PRUNE2: variants seen among roughly 807,000 people sequenced by gnomAD.
PRUNE2 encodes prune homolog 2 with BCH domain, also known as protein prune homolog 2.
PRUNE2 carries 164 observed loss-of-function variants against 252.0 expected under a neutral mutation model. The ratio of observed to expected loss-of-function variants is 0.65; its 90% CI spans 0.57 to 0.74. The LOEUF (loss-of-function observed/expected upper bound fraction) is 0.74. Ranked by LOEUF, PRUNE2 falls within the 30% of genes least tolerant of loss-of-function variation. PRUNE2 has a pLI of 0.00. For synonymous variants in PRUNE2, 1,292 were observed against 1,350.2 expected (o/e 0.96, Z 0.94); for missense variants, 3,495 against 3,711.0 (o/e 0.94, Z 1.51).
rs1428731854 is a variant in PRUNE2 at position 76,729,865 on chromosome 9, T to C, written c.757-16144A>G. Among the ~76,000 whole-genome samples, 3 of 152,310 alleles carry C rather than the reference T, an allele frequency of 2.0e-5. No individual in the cohort carries two copies. In the South Asian group the frequency reaches 6.2e-4, roughly 32 times the overall value. On this transcript the variant is annotated intron_variant, in intron 6 of 18. Transcript: ENST00000376718. ...TTTTCCATTTCTAATTTCAATTTCC[T>C]TAATGTGGAATAAAAACTTAGACAT... is the stretch of plus-strand genomic sequence containing the variant.
chr9:76,708,277 C>T lies in PRUNE2; in HGVS notation c.3997G>A (p.Ala1333Thr), dbSNP rs2046452445. The change falls in exon 8 of 19, where the codon GCC becomes ACC. Residue 1333 changes from alanine to threonine, a missense_variant. Physicochemically the swap from Ala to Thr is moderately conservative, Grantham distance 58. Transcript: ENST00000376718. ...TCATCAAGGTGCCCCCTGTCAGTGG[C>T]TCCCTGGGCTTCCTTCTCACTTTCA... ...QSESEKEAQG[A>T]TDRGHLDEEE... The T allele has an allele frequency of 1.9e-6, 3 of 1,613,814 alleles. No homozygotes were observed. Among genetic ancestry groups the T allele is most frequent in the African/African-American group, 2.7e-5 (2 of 75,032 alleles).
At chr9:76,647,077 T>C (rs1340381499) in intron 11 of PRUNE2, among the ~76,000 whole-genome samples, 1 of 152,152 alleles carries the variant, frequency 6.6e-6, no homozygotes, top group African/African-American at 2.4e-5. Context: ...TAGTCCCAGC[T>C]ACTTGGGAAG....
chr9:76,865,756 CAACCTT>C (rs2132921405), intron 1 of PRUNE2, among the ~76,000 whole-genome samples: 1 of 151,744 alleles, frequency 6.6e-6, no homozygotes, highest in South Asian at 2.1e-4. Context: ...ATTCCTGTCT[CAACCTT>C]AACAGGCTCT....
At chr9:76,623,190 CTT>C (rs777303735) in intron 17 of PRUNE2, among the ~76,000 whole-genome samples, 1 of 152,110 alleles carries the variant, frequency 6.6e-6, no homozygotes, top group Non-Finnish European at 1.5e-5. Context: ...AGGGAAGAAA[CTT>C]AATGTGCTTA....
At chr9:76,766,381 T>C (rs191667248) in intron 6 of PRUNE2, among the ~76,000 whole-genome samples, 15 of 152,140 alleles carry the variant, frequency 9.9e-5, no homozygotes, top group Non-Finnish European at 1.6e-4. Context: ...AATACGTTAC[T>C]AATGGTCACT....
intron 6 of PRUNE2, among the ~76,000 whole-genome samples, chr9:76,725,150 G>A (rs1054699652): frequency 6.6e-6 from 1 of 152,126 alleles, no homozygotes; most frequent in Admixed American, 6.5e-5. Flanking sequence ...AAGAAAGCAG[G>A]AAAACCTTTT....
chr9:76,858,778 A>AAAG (rs2060398395), intron 1 of PRUNE2, among the ~76,000 whole-genome samples: 1 of 148,238 alleles, frequency 6.7e-6, no homozygotes, highest in African/African-American at 2.6e-5. Context: ...AAAAAGAAAG[A>AAAG]AAAAAAAAGA....
chr9:76,771,111 G>T (rs1052497708), intron 6 of PRUNE2, among the ~76,000 whole-genome samples: 2 of 152,016 alleles, frequency 1.3e-5, no homozygotes, highest in Non-Finnish European at 2.9e-5. Context: ...CCACAGAAAT[G>T]ATTCTAAAGA....
chr9:76,858,825 G>A (rs915543746), intron 1 of PRUNE2, among the ~76,000 whole-genome samples: 1 of 151,918 alleles, frequency 6.6e-6, no homozygotes, highest in South Asian at 2.1e-4. Context: ...GGTTAGGTAA[G>A]TGGGACTAAA....
At chr9:76,795,240 GAGC>G (rs1292243698) in intron 6 of PRUNE2, among the ~76,000 whole-genome samples, 1 of 146,224 alleles carries the variant, frequency 6.8e-6, no homozygotes. Flanking sequence ...TGTGTCCAAA[GAGC>G]AGATCTGCCT....
chr9:76,848,293 T>C (rs1440083994), intron 3 of PRUNE2, among the ~76,000 whole-genome samples: 3 of 152,160 alleles, frequency 2.0e-5, no homozygotes, highest in Admixed American at 2.0e-4. Flanking sequence ...AGTTAACATG[T>C]AAATTTAGTC....
At chr9:76,829,016 C>CAAAAA (rs1185924670) in intron 4 of PRUNE2, among the ~76,000 whole-genome samples, 66 of 95,368 alleles carry the variant, frequency 6.9e-4, no homozygotes, top group Admixed American at 8.6e-4. Flanking sequence ...CACTCTGTCT[C>CAAAAA]AAAAAAAAAA....
intron 1 of PRUNE2, among the ~76,000 whole-genome samples, chr9:76,894,463 C>T (rs1268973695): frequency 6.6e-6 from 1 of 152,158 alleles, no homozygotes; most frequent in Non-Finnish European, 1.5e-5. Flanking sequence ...AGGCACGTGT[C>T]CTGTCCTCTC....
In PRUNE2 at chr9:76,879,305, C is replaced by G. The variant is rs1589734303; in HGVS notation, c.37-25097G>C. ...TTTCCATTGCATATCTTATGTAATA[C>G]ATGTTGGGGCCATCTGCACACCCCG... On this transcript the variant is annotated intron_variant, in intron 1 of 18. Transcript: ENST00000376718. Among the ~76,000 whole-genome samples the G allele has an allele frequency of 2.0e-5, 3 of 152,154 alleles. No homozygotes were observed. The East Asian group carries it at 5.8e-4, about 29-fold the overall frequency.
chr9:76,694,180 G>T (rs907082119), intron 9 of PRUNE2, among the ~76,000 whole-genome samples: 1 of 148,244 alleles, frequency 6.7e-6, no homozygotes, highest in Non-Finnish European at 1.5e-5. Flanking sequence ...GTTTTGTTTC[G>T]TTTTTTTTTT....
At chr9:76,787,816 G>A (rs917905385) in intron 6 of PRUNE2, among the ~76,000 whole-genome samples, 5 of 152,074 alleles carry the variant, frequency 3.3e-5, no homozygotes, top group African/African-American at 1.2e-4. Context: ...CTGCCCACAG[G>A]AGAAAGCCCC....
At chr9:76,751,646 G>T (rs776369057) in intron 6 of PRUNE2, among the ~76,000 whole-genome samples, 4 of 152,068 alleles carry the variant, frequency 2.6e-5, no homozygotes, top group Admixed American at 1.3e-4. Flanking sequence ...GCTCTGTTTG[G>T]TTTGTTTAAA....
At chr9:76,740,957 C>G (rs1422944145) in intron 6 of PRUNE2, among the ~76,000 whole-genome samples, 1 of 152,082 alleles carries the variant, frequency 6.6e-6, no homozygotes, top group Non-Finnish European at 1.5e-5. Context: ...TGCTTGAACC[C>G]CACATCAAAT....
chr9:76,725,229 G>T (rs979764174), intron 6 of PRUNE2, among the ~76,000 whole-genome samples: 2 of 152,160 alleles, frequency 1.3e-5, no homozygotes, highest in Non-Finnish European at 2.9e-5. Context: ...CTTTCTGCAC[G>T]TGTGCATTGC....
Sources: allele counts gnomAD v4.1 joint callset (sites outside exome capture counted in the v4.1 genomes callset), GRCh38; gene constraint gnomAD v4.1.1; transcripts MANE v1.5; gene names NCBI Gene and HGNC (gene_info 2026-07-23, HGNC 2026-07-21).